The following FSTL5 variants were observed in gnomAD, a reference collection of about 807,000 sequenced individuals.
The protein encoded by FSTL5 is follistatin-related protein 5.
A neutral mutation model predicts 89.1 loss-of-function variants in FSTL5; 62 were observed. The ratio of observed to expected loss-of-function variants is 0.70; its 90% CI spans 0.57 to 0.86. The LOEUF is 0.86. Ranked by LOEUF, FSTL5 falls within the 40% of genes least tolerant of loss-of-function variation. The pLI is 0.00. For synonymous variants in FSTL5, 383 were observed against 346.2 expected (o/e 1.11, Z -1.18); for missense variants, 1,057 against 1,001.6 (o/e 1.06, Z -0.75).
chr4:161,482,910 C>A (rs1298882818), intron 12 of FSTL5, among the ~76,000 whole-genome samples: 2 of 152,168 alleles, frequency 1.3e-5, no homozygotes, highest in Non-Finnish European at 2.9e-5. Flanking sequence ...CTAAACAGCA[C>A]AGATTGTTCT....
intron 6 of FSTL5, among the ~76,000 whole-genome samples, chr4:161,700,835 AT>A (rs1738363586): frequency 6.6e-6 from 1 of 152,234 alleles, no homozygotes; most frequent in Non-Finnish European, 1.5e-5. Flanking sequence ...TGCATATGGC[AT>A]TTACAAATTA....
At chr4:161,612,564 A>G (rs528896411) in intron 7 of FSTL5, among the ~76,000 whole-genome samples, 1 of 152,350 alleles carries the variant, frequency 6.6e-6, no homozygotes, top group African/African-American at 2.4e-5. Flanking sequence ...TAGACTTGTG[A>G]TATAATTTTC....
intron 10 of FSTL5, among the ~76,000 whole-genome samples, chr4:161,513,317 A>AGAC (rs1730715457): frequency 1.2e-5 from 1 of 82,294 alleles, no homozygotes; most frequent in African/African-American, 4.0e-5. Flanking sequence ...GAGACAGAGG[A>AGAC]AGAGGAGGAG....
At chr4:161,771,777 T>G (rs1200706209) in intron 5 of FSTL5, among the ~76,000 whole-genome samples, 1 of 152,190 alleles carries the variant, frequency 6.6e-6, no homozygotes, top group Non-Finnish European at 1.5e-5. Flanking sequence ...GTTTAAAATT[T>G]CAGCTGGGCA....
intron 4 of FSTL5, among the ~76,000 whole-genome samples, chr4:161,865,797 A>T (rs199667624): frequency 0.039 from 5,974 of 151,502 alleles, 179 homozygotes; most frequent in East Asian, 0.15. Flanking sequence ...CAATAAAAAA[A>T]CTTTAATTTT....
intron 1 of FSTL5, among the ~76,000 whole-genome samples, chr4:162,149,956 A>G (rs188311124): frequency 1.5e-3 from 236 of 152,284 alleles, no homozygotes; most frequent in African/African-American, 5.4e-3. Flanking sequence ...ATATAACCAC[A>G]TTAATAAAAT....
chr4:161,910,851 T>C (rs1192735553), intron 4 of FSTL5, among the ~76,000 whole-genome samples: 1 of 152,204 alleles, frequency 6.6e-6, no homozygotes, highest in Non-Finnish European at 1.5e-5. Flanking sequence ...AAACATTTTA[T>C]TTATTTTTCT....
intron 2 of FSTL5, among the ~76,000 whole-genome samples, chr4:162,034,227 T>G (rs76511338): frequency 1.3e-3 from 205 of 152,188 alleles, no homozygotes; most frequent in African/African-American, 4.5e-3. Flanking sequence ...TAATAAATAA[T>G]CATGCCTCTC....
intron 4 of FSTL5, among the ~76,000 whole-genome samples, chr4:161,887,431 T>TATCTATCTATC (rs1560900206): frequency 8.1e-4 from 114 of 141,006 alleles, no homozygotes; most frequent in African/African-American, 2.7e-3. Flanking sequence ...ATCTATCATC[T>TATCTATCTATC]ATCTACCTAT....
intron 2 of FSTL5, among the ~76,000 whole-genome samples, chr4:162,086,772 T>C (rs1229500300): frequency 6.6e-6 from 1 of 152,008 alleles, no homozygotes; most frequent in East Asian, 1.9e-4. Flanking sequence ...AAACTTCTAT[T>C]GAACTTCTAT....
At position 161,538,198 on chromosome 4, in the gene FSTL5, G is replaced by A; in HGVS notation, c.1280C>T (p.Ser427Phe). The A allele has an allele frequency of 3.1e-6, 5 of 1,614,002 alleles. No individual in the cohort carries two copies. The highest frequency in any genetic ancestry group is 4.2e-6 in the Non-Finnish European group (5 of 1,179,924). Reference sequence around the variant, plus strand: ...TCTAGCAGAGTCTTCCACAAAAAGAGAAGAGATGTCTTCATCCACTCCTGC... The same window carrying A: ...TCTAGCAGAGTCTTCCACAAAAAGAAAAGAGATGTCTTCATCCACTCCTGC... ...NEAGVDEDISSLFVEDSARKT... is the reference protein window; with the variant it reads ...NEAGVDEDISFLFVEDSARKT... Residue 427 changes from serine to phenylalanine, a missense_variant, in exon 10 of 16, where the codon TCT becomes TTT. Coordinates refer to ENST00000306100, the MANE Select transcript of FSTL5 (RefSeq NM_020116.5).
chr4:161,584,951 G>A (rs1733555648), intron 8 of FSTL5, among the ~76,000 whole-genome samples: 1 of 152,176 alleles, frequency 6.6e-6, no homozygotes, highest in Non-Finnish European at 1.5e-5. Flanking sequence ...AAGCATTAGA[G>A]TTCAGCACAA....
chr4:161,876,751 G>A lies in FSTL5; in HGVS notation c.409+43653C>T, dbSNP rs1361112588. Among the ~76,000 whole-genome samples the A allele has an allele frequency of 3.3e-5, 5 of 151,580 alleles. No homozygotes were observed. In the East Asian group the frequency reaches 9.8e-4, roughly 30 times the overall value. ...AAAGATTCTGTCTCTTTTAAAAAAA[G>A]AGAAAAATATAGAGGTTTTATTTTA... On this transcript the variant is annotated intron_variant, in intron 4 of 15. Transcript: ENST00000306100.
In FSTL5 at chr4:161,831,797, A is replaced by G. The variant is rs1474534738; in HGVS notation, c.410-55723T>C. Among the ~76,000 whole-genome samples the G allele has an allele frequency of 2.6e-5, 4 of 151,380 alleles. No homozygotes were observed. In the East Asian group the frequency reaches 7.7e-4, roughly 29 times the overall value. On this transcript the variant is annotated intron_variant, in intron 4 of 15. Transcript: ENST00000306100. ...TTGGAACAGCATAATAATATATAAC[A>G]GCATATATATACATATATATGCCAT...
At chr4:162,140,489 G>A (rs950786571) in intron 1 of FSTL5, among the ~76,000 whole-genome samples, 2 of 152,142 alleles carry the variant, frequency 1.3e-5, no homozygotes, top group African/African-American at 4.8e-5. Flanking sequence ...AATCCAGTGA[G>A]GTCAGAGAGT....
intron 4 of FSTL5, among the ~76,000 whole-genome samples, chr4:161,793,212 C>T (rs986103040): frequency 5.3e-5 from 8 of 152,198 alleles, no homozygotes; most frequent in African/African-American, 1.9e-4. Context: ...AGACCCTGTG[C>T]TCATTCACCC....
chr4:161,920,350 T>C (rs1477793587), intron 4 of FSTL5, 54 bp downstream of exon 4: 6 of 1,565,074 alleles, frequency 3.8e-6, no homozygotes, highest in Non-Finnish European at 5.2e-6. Flanking sequence ...AGGCACTAGT[T>C]GAGAAAGAAA....
At chr4:161,977,599 C>T (rs571927971) in intron 3 of FSTL5, among the ~76,000 whole-genome samples, 1,758 of 125,542 alleles carry the variant, frequency 0.014, 23 homozygotes, top group Middle Eastern at 0.048. Flanking sequence ...GGCGACACAG[C>T]GAGACTCCGT....
At chr4:162,034,546 C>G (rs997949686) in intron 2 of FSTL5, among the ~76,000 whole-genome samples, 1 of 152,088 alleles carries the variant, frequency 6.6e-6, no homozygotes, top group East Asian at 1.9e-4. Context: ...TACCGGGCAA[C>G]CCCAAAAGAA....
Sources: allele counts gnomAD v4.1 joint callset (sites outside exome capture counted in the v4.1 genomes callset), GRCh38; gene constraint gnomAD v4.1.1; transcripts MANE v1.5; gene names NCBI Gene and HGNC (gene_info 2026-07-23, HGNC 2026-07-21).